ZNF697: variants seen among roughly 807,000 people sequenced by gnomAD.
ZNF697 encodes zinc finger protein 697.
Under a neutral mutation model 32.4 loss-of-function variants are expected in ZNF697, and 23 were observed. The observed-to-expected ratio is 0.71, with a 90% CI of 0.51 to 1.01. The LOEUF (loss-of-function observed/expected upper bound fraction) is 1.01, where lower values mean the gene tolerates loss of function less well. Among genes scored for constraint, ZNF697 ranks in the 50% least tolerant of loss-of-function variants. The probability of loss-of-function intolerance (pLI) is 0.00; values close to 1 mark genes in which losing one functional copy is unlikely to be tolerated. For missense variants in ZNF697, 930 were observed against 794.0 expected (o/e 1.17, Z -2.06); for synonymous variants, 418 against 337.2 (o/e 1.24, Z -2.62).
chr1:119,630,249 C>T (rs755120038), intron 1 of ZNF697, among the ~76,000 whole-genome samples: 55 of 152,206 alleles, frequency 3.6e-4, no homozygotes, highest in African/African-American at 5.1e-4. Flanking sequence ...TTCCTGAGTC[C>T]TCTTCAAGCT....
chr1:119,625,873 A>G lies in ZNF697; in HGVS notation c.226+2T>C, dbSNP rs775780191. ...GCATAGAAATCCCAGCTTTCTCCTCACCTGTGCAGATGTCGGGCACTGCTT... is the reference window on the plus strand; with the variant it reads ...GCATAGAAATCCCAGCTTTCTCCTCGCCTGTGCAGATGTCGGGCACTGCTT... On this transcript the variant is annotated splice_donor_variant, in intron 2 of 2. Transcript: ENST00000421812. LOFTEE classifies it high-confidence loss of function. The G allele has an allele frequency of 3.7e-6, 6 of 1,613,354 alleles. No individual in the cohort carries two copies. The highest frequency in any genetic ancestry group is 5.1e-6 in the Non-Finnish European group (6 of 1,179,810).
At chr1:119,632,452 G>A (rs1648805911) in intron 1 of ZNF697, among the ~76,000 whole-genome samples, 1 of 152,236 alleles carries the variant, frequency 6.6e-6, no homozygotes, top group African/African-American at 2.4e-5. Flanking sequence ...TCTGCCTTGT[G>A]GTTACTGCTT....
rs1648348728 is a variant in ZNF697, at chr1:119,622,221, A to C, written c.*484T>G. On this transcript the variant is annotated 3_prime_UTR_variant, in exon 3 of 3. Coordinates refer to ENST00000421812, the MANE Select transcript of ZNF697 (RefSeq NM_001080470.2). ...ACAAGGTTCCCCTACTTTTTGTGAGACAACAGGTGATGTGTGGAGATCGGG... is the reference window on the plus strand; with the variant it reads ...ACAAGGTTCCCCTACTTTTTGTGAGCCAACAGGTGATGTGTGGAGATCGGG... The C allele has an allele frequency of 6.5e-6, 1 of 154,590 alleles. No homozygotes were observed. The highest frequency in any genetic ancestry group is 6.5e-5 in the Admixed American group (1 of 15,364). 9.6% of individuals were successfully genotyped at this position (154,590 alleles called of 1,614,324 possible).
intron 1 of ZNF697, among the ~76,000 whole-genome samples, chr1:119,641,966 C>T (rs1008695659): frequency 1.3e-5 from 2 of 152,158 alleles, no homozygotes; most frequent in Non-Finnish European, 2.9e-5. Flanking sequence ...ACATCAATGT[C>T]ATTTGAGAAT....
Position 119,625,979 on chromosome 1 carries a change from G to C in ZNF697, c.122C>G (p.Ser41Cys), listed in dbSNP as rs778175562. The change falls in exon 2 of 3, where the codon TCT (serine) becomes TGT (cysteine). Residue 41 changes from serine (S) to cysteine (C), a missense_variant. Coordinates refer to ENST00000421812, the MANE Select transcript of ZNF697 (RefSeq NM_001080470.2). ...TCTCTTGTTTGTGTCATGTGGATTA[G>C]AGCCCATTTCTCTTTCTTCTGGGTC... ...EGDPEEREMG[S>C]NPHDTNKREG... is the part of the protein sequence containing the mutation. The C allele has an allele frequency of 2.5e-6, 4 of 1,614,030 alleles. No homozygotes were observed. The highest frequency in any genetic ancestry group is 3.4e-6 in the Non-Finnish European group (4 of 1,179,896).
rs1439013244 is a variant in ZNF697, at chr1:119,620,245, T to G, written c.*2460A>C. 1 of 152,550 alleles carries G rather than the reference T, an allele frequency of 6.6e-6. No individual in the cohort carries two copies. The highest frequency in any genetic ancestry group is 1.5e-5 in the Non-Finnish European group (1 of 68,028). The allele number at this position is 152,550 out of a possible 1,614,324, so 9.4% of individuals were successfully genotyped here. ...AGAGAGGTAAATGAAGTCCAAAGAT[T>G]CCCACTGCCACTAAACTATTTTACA... On this transcript the variant is annotated 3_prime_UTR_variant, in exon 3 of 3. Coordinates refer to ENST00000421812, the MANE Select transcript of ZNF697 (RefSeq NM_001080470.2).
In ZNF697 at chr1:119,623,445, A is replaced by T. The variant is rs1209170759; in HGVS notation, c.898T>A (p.Trp300Arg). ...LCADCGKSFS[W>R]RADLLKHRRL... is the part of the protein sequence containing the mutation. ...CGGTGCTTGAGCAGGTCGGCGCGCC[A>T]GCTGAAGCTCTTGCCGCAGTCGGCG... Residue 300 changes from tryptophan (W) to arginine (R), a missense_variant, in exon 3 of 3, where the codon TGG (tryptophan) becomes AGG (arginine). Coordinates refer to ENST00000421812, the MANE Select transcript of ZNF697 (RefSeq NM_001080470.2). 2 of 1,548,158 alleles carry T rather than the reference A, an allele frequency of 1.3e-6. No homozygotes were observed. The highest frequency in any genetic ancestry group is 1.7e-6 in the Non-Finnish European group (2 of 1,149,332).
At chr1:119,633,761 T>C (rs771690758) in intron 1 of ZNF697, among the ~76,000 whole-genome samples, 18 of 152,354 alleles carry the variant, frequency 1.2e-4, no homozygotes, top group Middle Eastern at 3.4e-3. Context: ...AGGTGTAGTC[T>C]GCAGTAATTG....
chr1:119,640,374 C>T (rs956958742), intron 1 of ZNF697, among the ~76,000 whole-genome samples: 3 of 152,208 alleles, frequency 2.0e-5, no homozygotes, highest in Non-Finnish European at 4.4e-5. Flanking sequence ...CAACCTAACT[C>T]TCCCAACTGG....
chr1:119,635,076 A>G (rs950719474), intron 1 of ZNF697, among the ~76,000 whole-genome samples: 1 of 152,226 alleles, frequency 6.6e-6, no homozygotes, highest in Non-Finnish European at 1.5e-5. Context: ...GGATGGTGGT[A>G]TATATAGGCT....
At position 119,623,610 on chromosome 1, in the gene ZNF697, C is replaced by G. The variant is rs1210647878; in HGVS notation, c.733G>C (p.Gly245Arg). 4.9e-6 allele frequency: 7 copies of G among 1,436,232 alleles called. No homozygotes were observed. The highest frequency in any genetic ancestry group is 6.3e-6 in the Non-Finnish European group (7 of 1,107,670). 89.0% of individuals were successfully genotyped at this position (1,436,232 alleles called of 1,614,324 possible). A position where few individuals can be genotyped will look rare whatever the true frequency, so the allele number is the denominator to read the frequency against. ...VGMMGVGVAG[G>R]FGAGPPLARP... ...GCCAGCGGGGGCCCGGCCCCGAAGC[C>G]CCCCGCCACACCCACCCCCATCATG... The change falls in exon 3 of 3, where the codon GGC (glycine) becomes CGC (arginine). Residue 245 changes from glycine (G) to arginine (R), a missense_variant. By Grantham distance (125) the Gly-to-Arg change is moderately radical (BLOSUM62 -2). Coordinates refer to ENST00000421812, the MANE Select transcript of ZNF697 (RefSeq NM_001080470.2).
intron 1 of ZNF697, among the ~76,000 whole-genome samples, chr1:119,631,069 G>A (rs1648749144): frequency 6.6e-6 from 1 of 152,234 alleles, no homozygotes; most frequent in African/African-American, 2.4e-5. Flanking sequence ...TTCCTATGAA[G>A]AGGTTAGGGC....
At chr1:119,631,172 A>T (rs1557938242) in intron 1 of ZNF697, among the ~76,000 whole-genome samples, 1 of 152,244 alleles carries the variant, frequency 6.6e-6, no homozygotes, top group Non-Finnish European at 1.5e-5. Flanking sequence ...TAAAAGATAA[A>T]GCAGGGGCGC....
At chr1:119,636,164 G>A (rs1648913845) in intron 1 of ZNF697, among the ~76,000 whole-genome samples, 1 of 152,110 alleles carries the variant, frequency 6.6e-6, no homozygotes, top group African/African-American at 2.4e-5. Flanking sequence ...ATTTCCCAAA[G>A]AGAGCAACAG....
intron 1 of ZNF697, among the ~76,000 whole-genome samples, chr1:119,635,048 T>C (rs762952220): frequency 3.9e-5 from 6 of 152,216 alleles, no homozygotes; most frequent in East Asian, 3.8e-4. Flanking sequence ...TGGTCATATA[T>C]TGACCACTGT....
At chr1:119,647,623 G>A (rs1032366009) in intron 1 of ZNF697, 68 bp downstream of exon 1, 16 of 152,510 alleles carry the variant, frequency 1.0e-4, no homozygotes, top group Admixed American at 9.2e-4. Flanking sequence ...TGGGGCTGGA[G>A]GCACGAACAG....
chr1:119,628,514 T>G (rs1284595797), intron 1 of ZNF697, among the ~76,000 whole-genome samples: 1 of 152,222 alleles, frequency 6.6e-6, no homozygotes, highest in African/African-American at 2.4e-5. Context: ...GCCTCAGAAT[T>G]AAGGCAGGTT....
At chr1:119,644,680 T>C (rs1649156766) in intron 1 of ZNF697, among the ~76,000 whole-genome samples, 1 of 152,226 alleles carries the variant, frequency 6.6e-6, no homozygotes, top group South Asian at 2.1e-4. Flanking sequence ...AGATTAGACA[T>C]GTAAATCACC....
chr1:119,628,419 G>C (rs975499205), intron 1 of ZNF697, among the ~76,000 whole-genome samples: 3 of 152,140 alleles, frequency 2.0e-5, no homozygotes, highest in Admixed American at 6.5e-5. Flanking sequence ...TGGAAACATG[G>C]TTTTTCTAGA....
Sources: allele counts gnomAD v4.1 joint callset (sites outside exome capture counted in the v4.1 genomes callset), GRCh38; gene constraint gnomAD v4.1.1; transcripts MANE v1.5; gene names NCBI Gene and HGNC (gene_info 2026-07-23, HGNC 2026-07-21).